Variants in DAB1 observed in about 807,000 individuals in gnomAD.
DAB1 encodes disabled homolog 1.
Under a neutral mutation model 64.6 loss-of-function variants are expected in DAB1, and 15 were observed. That is an observed-to-expected ratio of 0.23 (90% CI 0.16 to 0.36). The LOEUF is 0.36. Among genes scored for constraint, DAB1 ranks in the 10% least tolerant of loss-of-function variants. The probability of loss-of-function intolerance (pLI) is 1.00; values close to 1 mark genes in which losing one functional copy is unlikely to be tolerated. For synonymous variants in DAB1, 235 were observed against 251.9 expected (o/e 0.93, Z 0.64); for missense variants, 596 against 706.7 (o/e 0.84, Z 1.78).
intron 6 of DAB1, among the ~76,000 whole-genome samples, chr1:57,716,914 GGA>G (rs1647090749): frequency 6.6e-6 from 1 of 152,010 alleles, no homozygotes; most frequent in African/African-American, 2.4e-5. Context: ...TTTAAAATGG[GGA>G]AAAGACTTAA....
intron 2 of DAB1, among the ~76,000 whole-genome samples, chr1:57,218,891 G>A (rs527419006): frequency 6.6e-6 from 1 of 152,268 alleles, no homozygotes; most frequent in East Asian, 1.9e-4. Flanking sequence ...GCCAGCAGCG[G>A]TGAGGGGAGG....
At chr1:58,047,116 A>G (rs549252182) in intron 5 of DAB1, among the ~76,000 whole-genome samples, 2 of 152,334 alleles carry the variant, frequency 1.3e-5, no homozygotes, top group East Asian at 3.9e-4. Context: ...TTATTTTGGA[A>G]ATTCTGTTTT....
intron 7 of DAB1, among the ~76,000 whole-genome samples, chr1:57,449,205 A>G (rs1376848143): frequency 2.0e-5 from 3 of 152,210 alleles, no homozygotes; most frequent in Non-Finnish European, 2.9e-5. Flanking sequence ...ATATGATAGA[A>G]CATGAAACGT....
intron 6 of DAB1, among the ~76,000 whole-genome samples, chr1:57,784,327 G>A (rs1650243459): frequency 6.6e-6 from 1 of 152,160 alleles, no homozygotes; most frequent in Admixed American, 6.5e-5. Context: ...CTGGAAGGTG[G>A]AGGTTGCAGT....
At chr1:57,701,074 G>T (rs568889347) in intron 6 of DAB1, among the ~76,000 whole-genome samples, 1 of 151,956 alleles carries the variant, frequency 6.6e-6, no homozygotes, top group Non-Finnish European at 1.5e-5. Flanking sequence ...GAGAGGATGT[G>T]GAGAAACAGG....
chr1:58,117,856 AT>A lies in DAB1; in HGVS notation n.387+32654del, dbSNP rs893328910. On this transcript the variant is annotated intron_variant and non_coding_transcript_variant, in intron 5 of 20. Coordinates refer to the DAB1 transcript ENST00000485760. ...TATCATGCTTTGTTTTTTTTTTTATATTTTTTTTAATATTTTTTTTCTGGGC... is the reference window on the plus strand; with the variant it reads ...TATCATGCTTTGTTTTTTTTTTTATATTTTTTTAATATTTTTTTTCTGGGC... Among the ~76,000 whole-genome samples the A allele has an allele frequency of 2.5e-3, 364 of 148,260 alleles. 4 individuals are homozygous for A. Among genetic ancestry groups the A allele is most frequent in the African/African-American group, 8.7e-3 (346 of 39,966 alleles).
intron 3 of DAB1, among the ~76,000 whole-genome samples, chr1:58,501,355 T>G (rs912250165): frequency 5.3e-5 from 8 of 152,214 alleles, no homozygotes; most frequent in Non-Finnish European, 4.4e-5. Flanking sequence ...AAAATTATAT[T>G]ATGGTACTGT....
At chr1:57,393,586 G>A (rs1421673283) in intron 1 of DAB1, among the ~76,000 whole-genome samples, 1 of 152,074 alleles carries the variant, frequency 6.6e-6, no homozygotes, top group East Asian at 1.9e-4. Context: ...GTCCCAGTTT[G>A]AGCCCAGGGA....
chr1:57,946,333 A>C (rs1463210778), intron 5 of DAB1, among the ~76,000 whole-genome samples: 5 of 152,232 alleles, frequency 3.3e-5, no homozygotes, highest in Non-Finnish European at 7.3e-5. Flanking sequence ...CTAAAGTATT[A>C]ACATGTTGAA....
chr1:57,144,518 A>AC (rs1658920546), intron 3 of DAB1, among the ~76,000 whole-genome samples: 1 of 151,890 alleles, frequency 6.6e-6, no homozygotes, highest in Admixed American at 6.6e-5. Context: ...ACATGGTGAA[A>AC]CCCCGTCTCT....
chr1:58,013,652 T>C lies in DAB1; in HGVS notation n.388-129490A>G, dbSNP rs1646700391. Among the ~76,000 whole-genome samples the C allele has an allele frequency of 1.1e-4, 16 of 152,190 alleles. 1 individual carries two copies. ...TGGAGGGTTGTTTCCCCCTCAGAGCTGCTCCTACCTTGGTCCCATTGCATC... is the reference window on the plus strand; with the variant it reads ...TGGAGGGTTGTTTCCCCCTCAGAGCCGCTCCTACCTTGGTCCCATTGCATC... On this transcript the variant is annotated intron_variant and non_coding_transcript_variant, in intron 5 of 20. Coordinates refer to the DAB1 transcript ENST00000485760.
At chr1:57,863,068 T>C (rs550236355) in intron 1 of DAB1, 1 of 152,154 alleles carries the variant, frequency 6.6e-6, no homozygotes, top group Admixed American at 6.5e-5. Context: ...CTATAGTATA[T>C]CCATACAATT....
At chr1:58,196,842 G>C (rs147840823) in intron 4 of DAB1, among the ~76,000 whole-genome samples, 1 of 152,136 alleles carries the variant, frequency 6.6e-6, no homozygotes, top group Non-Finnish European at 1.5e-5. Context: ...TACAATTTGC[G>C]ATGAGATTTG....
chr1:57,032,611 A>G (rs1646999236), intron 9 of DAB1, among the ~76,000 whole-genome samples: 1 of 152,166 alleles, frequency 6.6e-6, no homozygotes, highest in African/African-American at 2.4e-5. Flanking sequence ...TTGGTTGCAC[A>G]TTGAGATCAT....
chr1:57,948,562 G>C (rs1046957746), intron 5 of DAB1, among the ~76,000 whole-genome samples: 1 of 152,256 alleles, frequency 6.6e-6, no homozygotes, highest in South Asian at 2.1e-4. Flanking sequence ...GAGTCTAGTC[G>C]ATTCTAGCCC....
chr1:58,506,210 C>T (rs1645987069), intron 2 of DAB1: 1 of 863,592 alleles, frequency 1.2e-6, no homozygotes, highest in South Asian at 1.3e-5. Flanking sequence ...CTGCACAAGC[C>T]TAAAACCAAA....
At chr1:57,029,211 T>C (rs757555776) in intron 9 of DAB1, among the ~76,000 whole-genome samples, 6 of 152,178 alleles carry the variant, frequency 3.9e-5, no homozygotes, top group Non-Finnish European at 7.4e-5. Flanking sequence ...GGCTGTGGCT[T>C]CTGAGGGTAG....
At chr1:58,153,022 T>A (rs762333859) in intron 4 of DAB1, among the ~76,000 whole-genome samples, 1 of 152,148 alleles carries the variant, frequency 6.6e-6, no homozygotes, top group African/African-American at 2.4e-5. Flanking sequence ...AACAAAAAAA[T>A]TGGCAGCCAC....
chr1:57,564,290 C>T (rs1450487381), intron 7 of DAB1, among the ~76,000 whole-genome samples: 6 of 152,160 alleles, frequency 3.9e-5, no homozygotes, highest in Admixed American at 3.3e-4. Flanking sequence ...ATCTGTACAT[C>T]AGCATCATAA....
Sources: gnomAD v4.1 joint callset for allele counts (sites outside exome capture counted in the v4.1 genomes callset) on GRCh38, gnomAD v4.1.1 for gene constraint, MANE v1.5 for transcripts, NCBI Gene and HGNC (gene_info 2026-07-23, HGNC 2026-07-21) for gene names.